RAPH1: variants seen among roughly 807,000 people sequenced by gnomAD.
The protein encoded by RAPH1 is Ras association (RalGDS/AF-6) and pleckstrin homology domains 1.
Under a neutral mutation model 88.1 loss-of-function variants are expected in RAPH1, and 18 were observed. The ratio of observed to expected loss-of-function variants is 0.20; its 90% CI spans 0.14 to 0.30. RAPH1 has a LOEUF of 0.30. Ranked by LOEUF, RAPH1 falls within the 10% of genes least tolerant of loss-of-function variation. The pLI is 1.00. For missense variants in RAPH1, 1,448 were observed against 1,543.2 expected (o/e 0.94, Z 1.03); for synonymous variants, 587 against 559.0 (o/e 1.05, Z -0.71).
At chr2:203,481,936 G>T (rs1290886480) in intron 4 of RAPH1, among the ~76,000 whole-genome samples, 1 of 150,918 alleles carries the variant, frequency 6.6e-6, no homozygotes, top group Non-Finnish European at 1.5e-5. Flanking sequence ...CTAAAAAAAA[G>T]GTCCTTCACC....
chr2:203,493,120 A>G (rs577354223), intron 2 of RAPH1, among the ~76,000 whole-genome samples: 1 of 152,358 alleles, frequency 6.6e-6, no homozygotes, highest in South Asian at 2.1e-4. Flanking sequence ...GTTACAAAGC[A>G]ACATATTAGC....
At chr2:203,501,015 A>G in intron 1 of RAPH1, among the ~76,000 whole-genome samples, 1 of 152,234 alleles carries the variant, frequency 6.6e-6, no homozygotes, top group East Asian at 1.9e-4. Context: ...AATTCTAAAG[A>G]AAAACATGCA....
rs756829949 is a variant in RAPH1 at position 203,454,418 on chromosome 2, A to T, written c.1413+12T>A. On this transcript the variant is annotated intron_variant, in intron 10 of 13. Coordinates refer to ENST00000319170, the MANE Select transcript of RAPH1 (RefSeq NM_213589.3). ...CATCAATTAAAATTCCTAAAAAGAA[A>T]TATGTGTTTACCTTCAGCACCAGAC... 6.4e-7 allele frequency: 1 copy of T among 1,561,940 alleles called. No individual in the cohort carries two copies. Among genetic ancestry groups the T allele is most frequent in the Middle Eastern group, 1.7e-4 (1 of 5,970 alleles).
rs373101454 is a variant in RAPH1 at position 203,535,258 on chromosome 2, GTGACTGACTGAC to G, written c.-160_-149del. ...CAGCAGCTCCCGCGCCGCGCGCTCA[GTGACTGACTGAC>G]TGACTGACTGACTGACTGACTGACT... On this transcript the variant is annotated 5_prime_UTR_variant, in exon 1 of 14. Transcript: ENST00000319170. 3.2e-3 allele frequency: 468 copies of G among 146,630 alleles called. No individual in the cohort carries two copies. The highest frequency in any genetic ancestry group is 8.5e-3 in the African/African-American group (341 of 40,110). The allele number at this position is 146,630 out of a possible 1,614,324, so 9.1% of individuals were successfully genotyped here.
chr2:203,444,619 A>AG, intron 13 of RAPH1: 2 of 422,382 alleles, frequency 4.7e-6, no homozygotes, highest in Non-Finnish European at 8.3e-6. Flanking sequence ...TTAAACTGCC[A>AG]GTTTTTTTTG....
chr2:203,472,456 C>T (rs2098534029), intron 4 of RAPH1, among the ~76,000 whole-genome samples: 1 of 152,178 alleles, frequency 6.6e-6, no homozygotes, highest in Non-Finnish European at 1.5e-5. Context: ...CTCTAATAAA[C>T]TTGCTTTCAC....
chr2:203,456,686 GA>G (rs747731310), intron 8 of RAPH1, among the ~76,000 whole-genome samples: 1 of 152,132 alleles, frequency 6.6e-6, no homozygotes, highest in African/African-American at 2.4e-5. Context: ...GTATCACTAT[GA>G]AAACTGAATG....
intron 1 of RAPH1, among the ~76,000 whole-genome samples, chr2:203,530,669 A>G (rs1173667971): frequency 2.0e-5 from 3 of 152,194 alleles, no homozygotes; most frequent in Non-Finnish European, 4.4e-5. Flanking sequence ...AGGTAGGTAG[A>G]TCACCTGAGG....
In RAPH1 at chr2:203,436,024, TTGA is replaced by T; in HGVS notation, c.*3410_*3412del. 1 of 152,330 alleles carries T rather than the reference TTGA, an allele frequency of 6.6e-6. No homozygotes were observed. The highest frequency in any genetic ancestry group is 2.4e-5 in the African/African-American group (1 of 41,574). The allele number at this position is 152,330 out of a possible 1,614,324, so 9.4% of individuals were successfully genotyped here. A position where few individuals can be genotyped will look rare whatever the true frequency, so the allele number is the denominator to read the frequency against. ...ATTGGATGTACAGCTCCTAATAACCTTGATGTCAGAGTTGTCACTTGGTTGGAA... is the reference window on the plus strand; with the variant it reads ...ATTGGATGTACAGCTCCTAATAACCTTGTCAGAGTTGTCACTTGGTTGGAA... On this transcript the variant is annotated 3_prime_UTR_variant, in exon 14 of 14. Coordinates refer to ENST00000319170, the MANE Select transcript of RAPH1 (RefSeq NM_213589.3).
At chr2:203,461,720 T>C (rs2098524366) in intron 5 of RAPH1, 128 bp downstream of exon 5, 1 of 635,242 alleles carries the variant, frequency 1.6e-6, no homozygotes, top group East Asian at 3.0e-5. Flanking sequence ...GTGAAAAATA[T>C]ATTACTAGGA....
At chr2:203,463,159 G>A (rs1390151071) in intron 4 of RAPH1, among the ~76,000 whole-genome samples, 1 of 150,784 alleles carries the variant, frequency 6.6e-6, no homozygotes, top group East Asian at 2.0e-4. Flanking sequence ...CTAAGATTGT[G>A]CCACTGCACT....
At chr2:203,485,744 T>C (rs892326744) in intron 4 of RAPH1, among the ~76,000 whole-genome samples, 3 of 152,122 alleles carry the variant, frequency 2.0e-5, no homozygotes, top group Non-Finnish European at 4.4e-5. Flanking sequence ...CATGTAACAA[T>C]GTCTACGGAC....
chr2:203,463,341 T>G (rs1429164253), intron 4 of RAPH1, among the ~76,000 whole-genome samples: 2 of 152,190 alleles, frequency 1.3e-5, no homozygotes, highest in Non-Finnish European at 2.9e-5. Flanking sequence ...TGTTATTCAT[T>G]AAAAAGCTAA....
chr2:203,439,328 C>T lies in RAPH1; in HGVS notation c.*109G>A. 1.0e-6 allele frequency: 1 copy of T among 1,004,958 alleles called. No homozygotes were observed. The highest frequency in any genetic ancestry group is 1.5e-6 in the Non-Finnish European group (1 of 665,668). The allele number at this position is 1,004,958 out of a possible 1,614,324, so 62.3% of individuals were successfully genotyped here. ...CACATACACATATAGCTGGACACTA[C>T]CTGAATAACATCATACCAGGAGGCT... On this transcript the variant is annotated 3_prime_UTR_variant, in exon 14 of 14. Coordinates refer to ENST00000319170, the MANE Select transcript of RAPH1 (RefSeq NM_213589.3).
intron 1 of RAPH1, among the ~76,000 whole-genome samples, chr2:203,508,641 C>G (rs1173173295): frequency 6.6e-6 from 1 of 152,110 alleles, no homozygotes; most frequent in Non-Finnish European, 1.5e-5. Flanking sequence ...CAGACCCACA[C>G]AGTGCAAACC....
At chr2:203,492,532 G>A (rs2259819) in intron 2 of RAPH1, among the ~76,000 whole-genome samples, 16,150 of 152,184 alleles carry the variant, frequency 0.11, 1,769 homozygotes, top group African/African-American at 0.28. Flanking sequence ...ACTTTGGGTA[G>A]GGTGACTTGT....
In RAPH1 at chr2:203,433,730, A is replaced by G. The variant is rs1186109165; in HGVS notation, c.*5707T>C. ...TTACCACACTTAATTTCTTCTGTGT[A>G]TGGCCTATGTTTTGGGTACCCTGAC... On this transcript the variant is annotated 3_prime_UTR_variant, in exon 14 of 14. Transcript: ENST00000319170. 1 of 152,260 alleles carries G rather than the reference A, an allele frequency of 6.6e-6. No individual in the cohort carries two copies. The highest frequency in any genetic ancestry group is 1.9e-4 in the East Asian group (1 of 5,200). The allele number at this position is 152,260 out of a possible 1,614,324, so 9.4% of individuals were successfully genotyped here. A position where few individuals can be genotyped will look rare whatever the true frequency, so the allele number is the denominator to read the frequency against.
At position 203,441,360 on chromosome 2, in the gene RAPH1, G is replaced by A; in HGVS notation, c.1830C>T (p.Ser610=). 1 of 1,576,092 alleles carries A rather than the reference G, an allele frequency of 6.3e-7. No individual in the cohort carries two copies. The highest frequency in any genetic ancestry group is 8.6e-7 in the Non-Finnish European group (1 of 1,162,570). ...RPYTSLVPPL[S]PQPKIVTPYT... ...AGGGGGTGACTATCTTAGGTTGCGG[G>A]GATAAAGGGGGCACAAGTGAAGTGT... The change falls in exon 14 of 14, where the codon TCC becomes TCT. Residue 610 remains serine (S), a synonymous_variant. Coordinates refer to ENST00000319170, the MANE Select transcript of RAPH1 (RefSeq NM_213589.3).
At chr2:203,523,392 C>CA (rs372951126) in intron 1 of RAPH1, among the ~76,000 whole-genome samples, 21,470 of 99,080 alleles carry the variant, frequency 0.22, 2,248 homozygotes, top group East Asian at 0.56. Context: ...GACTCTGTCT[C>CA]AAAAAAAAAA....
Sources: allele counts gnomAD v4.1 joint callset (sites outside exome capture counted in the v4.1 genomes callset), GRCh38; gene constraint gnomAD v4.1.1; transcripts MANE v1.5; gene names NCBI Gene and HGNC (gene_info 2026-07-23, HGNC 2026-07-21).